Variants in NBAS observed in about 807,000 individuals in gnomAD.
The protein encoded by NBAS is NBAS subunit of NRZ tethering complex, also known as NAG/BC035112 fusion.
Under a neutral mutation model 302.5 loss-of-function variants are expected in NBAS, and 219 were observed. The ratio of observed to expected loss-of-function variants is 0.72; its 90% CI spans 0.65 to 0.81. The LOEUF (loss-of-function observed/expected upper bound fraction) is 0.81. NBAS is among the 30% of genes least tolerant of loss of function. NBAS has a pLI of 0.00. For synonymous variants in NBAS, 1,118 were observed against 1,021.6 expected (o/e 1.09, Z -1.80); for missense variants, 2,932 against 2,841.6 (o/e 1.03, Z -0.72).
Position 15,536,479 on chromosome 2 carries a change from G to A in NBAS, c.586C>T (p.Gln196Ter), listed in dbSNP as rs1131692171. 3 of 1,613,006 alleles carry A rather than the reference G, an allele frequency of 1.9e-6. No individual in the cohort carries two copies. The East Asian group carries it at 6.7e-5, about 36-fold the overall frequency. ...ATGACCAGGAGTTCTGCAGACCACT[G>A]TGCACTTGCTTTATATTCTAAAAAT... The part of the protein sequence containing the change: ...LIFLEYKASA[Q>*]WSAELLVINY... The change falls in exon 8 of 52, where the codon CAG becomes TAG. Residue 196 changes from glutamine to a stop codon, truncating the protein, a stop_gained. Coordinates refer to ENST00000281513, the MANE Select transcript of NBAS (RefSeq NM_015909.4). LOFTEE classifies it high-confidence loss of function.
At chr2:15,081,653 G>A in the NBAS span, among the ~76,000 whole-genome samples, 8 of 152,122 alleles carry the variant, frequency 5.3e-5, no homozygotes, top group South Asian at 2.1e-4. Context: ...ATGCCCCAGC[G>A]TCCCAGGAAC....
At chr2:15,020,410 G>A in the NBAS span, among the ~76,000 whole-genome samples, 1 of 152,192 alleles carries the variant, frequency 6.6e-6, no homozygotes, top group African/African-American at 2.4e-5. Context: ...GATGCAACAA[G>A]AGCTGGAGCA....
In NBAS at chr2:15,238,611, T is replaced by C; in HGVS notation, c.5800A>G (p.Lys1934Glu). 6.2e-7 allele frequency: 1 copy of C among 1,613,656 alleles called. No individual in the cohort carries two copies. The highest frequency in any genetic ancestry group is 8.5e-7 in the Non-Finnish European group (1 of 1,179,932). Residue 1934 changes from lysine (K) to glutamate (E), a missense_variant, in exon 45 of 52, where the codon AAA becomes GAA. By Grantham distance (56) the Lys-to-Glu change is moderately conservative. Transcript: ENST00000281513. ...TVKHFIEKPRKRNSEDEAQEA... is the reference protein window; with the variant it reads ...TVKHFIEKPRERNSEDEAQEA... Reference sequence around the variant, plus strand: ...TGAGCTTCGTCTTCTGAGTTTCTTTTCCTTGGCTTCTCAATAAAATGTTTG... The same window carrying C: ...TGAGCTTCGTCTTCTGAGTTTCTTTCCCTTGGCTTCTCAATAAAATGTTTG...
Position 15,394,307 on chromosome 2 carries a change from A to C in NBAS, c.3177T>G (p.Ile1059Met). Reference protein sequence around the residue: ...LLEKHGLEKPISFVKNTQSSS... With the variant: ...LLEKHGLEKPMSFVKNTQSSS... ...TAGATTGAGTGTTTTTAACAAATGA[A>C]ATTGGTTTCTCGAGTCCATGTTTTT... The change falls in exon 28 of 52, where the codon ATT (isoleucine) becomes ATG (methionine). Residue 1059 changes from isoleucine (I) to methionine (M), a missense_variant. Transcript: ENST00000281513. The C allele has an allele frequency of 6.2e-7, 1 of 1,613,186 alleles. No homozygotes were observed. Among genetic ancestry groups the C allele is most frequent in the Non-Finnish European group, 8.5e-7 (1 of 1,179,402 alleles).
In NBAS at chr2:15,535,260, G is replaced by A. The variant is rs190013361; in HGVS notation, c.648-619C>T. The stretch of plus-strand genomic sequence containing the variant: ...TAGTAGGCCAGGCGCAGTGGCTCAC[G>A]CCTGTTATCCCAGCACTTTGGGAGG... On this transcript the variant is annotated intron_variant, in intron 8 of 51. Coordinates refer to ENST00000281513, the MANE Select transcript of NBAS (RefSeq NM_015909.4). Among the ~76,000 whole-genome samples the A allele has an allele frequency of 3.9e-3, 597 of 152,252 alleles. 13 individuals carry two copies. In the South Asian group the frequency reaches 0.064, roughly 16 times the overall value.
At chr2:15,071,221 C>G in the NBAS span, among the ~76,000 whole-genome samples, 1 of 152,200 alleles carries the variant, frequency 6.6e-6, no homozygotes. Context: ...ACAATGTTCC[C>G]TCTCCCTTAG....
intron 6 of NBAS, 52 bp from the exon 7 acceptor site, chr2:15,539,408 T>A: frequency 6.2e-7 from 1 of 1,605,208 alleles, no homozygotes; most frequent in Non-Finnish European, 8.5e-7. Context: ...ACAAAGATAG[T>A]TAATGCTTTT....
the NBAS span, among the ~76,000 whole-genome samples, chr2:15,051,777 T>G: frequency 6.6e-6 from 1 of 152,220 alleles, no homozygotes; most frequent in South Asian, 2.1e-4. Context: ...GGGACTTCCA[T>G]CAAGTCAGTG....
In NBAS at chr2:15,361,216, T is replaced by C. The variant is rs545239475; in HGVS notation, c.3818-4800A>G. Reference sequence around the variant, plus strand: ...GTGCAGTACGACTGTAAATTCTCAATTAAACAGGCACAGAGGCCAGGCACA... The same window carrying C: ...GTGCAGTACGACTGTAAATTCTCAACTAAACAGGCACAGAGGCCAGGCACA... On this transcript the variant is annotated intron_variant, in intron 32 of 51. Transcript: ENST00000281513. Among the ~76,000 whole-genome samples the C allele has an allele frequency of 4.1e-4, 62 of 152,240 alleles. No homozygotes were observed. The South Asian group carries it at 9.8e-3, about 24-fold the overall frequency.
chr2:15,199,209 A>G (rs917734720), intron 48 of NBAS, among the ~76,000 whole-genome samples: 1 of 152,018 alleles, frequency 6.6e-6, no homozygotes, highest in Non-Finnish European at 1.5e-5. Flanking sequence ...AAATTATCTG[A>G]AAAAAATTAG....
chr2:15,408,519 C>A (rs1197197494), intron 25 of NBAS, among the ~76,000 whole-genome samples: 1 of 151,950 alleles, frequency 6.6e-6, no homozygotes, highest in Non-Finnish European at 1.5e-5. Context: ...ATATAATTTC[C>A]TTCTTCATGA....
chr2:15,139,571 C>T, the NBAS span, among the ~76,000 whole-genome samples: 1 of 151,818 alleles, frequency 6.6e-6, no homozygotes, highest in Non-Finnish European at 1.5e-5. Context: ...CACCTCAAAT[C>T]CTTTACAAAA....
At chr2:15,421,569 C>T (rs1371047068) in intron 23 of NBAS, among the ~76,000 whole-genome samples, 1 of 151,494 alleles carries the variant, frequency 6.6e-6, no homozygotes, top group African/African-American at 2.4e-5. Context: ...TCAGATATCA[C>T]TTTGATCACA....
intron 44 of NBAS, among the ~76,000 whole-genome samples, chr2:15,261,030 A>G (rs1572546992): frequency 6.6e-6 from 1 of 152,214 alleles, no homozygotes; most frequent in South Asian, 2.1e-4. Context: ...TTTTTAAAGC[A>G]CCTGTAAATC....
At chr2:15,336,752 G>A (rs1672605455) in intron 35 of NBAS, among the ~76,000 whole-genome samples, 2 of 151,984 alleles carry the variant, frequency 1.3e-5, no homozygotes, top group East Asian at 1.9e-4. Context: ...AGTCTCATAT[G>A]TTGTATTCAG....
rs1052009775 is a variant in NBAS, at chr2:15,383,401, A to G, written c.3258-84T>C. ...CTTCAAATGATCTAAAGTTAAAAAA[A>G]CAAAAACTGGTACCACCACTCTATA... On this transcript the variant is annotated intron_variant, in intron 28 of 51. Coordinates refer to ENST00000281513, the MANE Select transcript of NBAS (RefSeq NM_015909.4). The G allele has an allele frequency of 1.4e-5, 17 of 1,200,234 alleles. No homozygotes were observed. In the African/African-American group the frequency reaches 2.4e-4, roughly 17 times the overall value. 74.3% of individuals were successfully genotyped at this position (1,200,234 alleles called of 1,614,324 possible).
At chr2:15,273,536 T>C (rs1669427010) in intron 44 of NBAS, among the ~76,000 whole-genome samples, 2 of 152,210 alleles carry the variant, frequency 1.3e-5, no homozygotes, top group South Asian at 2.1e-4. Flanking sequence ...TGAGTTCAAA[T>C]TGAGTTCTCT....
At chr2:15,467,491 G>A (rs201737415) in intron 18 of NBAS, 84 bp from the exon 19 acceptor site, 46 of 1,346,894 alleles carry the variant, frequency 3.4e-5, no homozygotes, top group African/African-American at 6.1e-5. Context: ...TTAATATTCC[G>A]TTGAGCCCAA....
At chr2:15,103,230 C>G in the NBAS span, among the ~76,000 whole-genome samples, 3 of 152,108 alleles carry the variant, frequency 2.0e-5, no homozygotes. Flanking sequence ...CCTTCCTATA[C>G]TTCCCCACAC....
Sources: allele counts gnomAD v4.1 joint callset (sites outside exome capture counted in the v4.1 genomes callset), GRCh38; gene constraint gnomAD v4.1.1; transcripts MANE v1.5; gene names NCBI Gene and HGNC (gene_info 2026-07-23, HGNC 2026-07-21).